The following ZFHX3 variants were observed in gnomAD, a reference collection of about 807,000 sequenced individuals.
The protein encoded by ZFHX3 is zinc finger homeobox protein 3.
Under a neutral mutation model 279.1 loss-of-function variants are expected in ZFHX3, and 42 were observed. The observed-to-expected ratio is 0.15, with a 90% CI of 0.12 to 0.19. ZFHX3 has a LOEUF of 0.19. Ranked by LOEUF, ZFHX3 falls within the 10% of genes least tolerant of loss-of-function variation. ZFHX3 has a pLI of 1.00. For missense variants in ZFHX3, 4,981 were observed against 4,754.0 expected (o/e 1.05, Z -1.40); for synonymous variants, 2,293 against 1,957.8 (o/e 1.17, Z -4.52).
At chr16:73,031,773 C>T (rs543011879) in intron 1 of ZFHX3, among the ~76,000 whole-genome samples, 6 of 152,228 alleles carry the variant, frequency 3.9e-5, no homozygotes, top group South Asian at 4.1e-4. Flanking sequence ...CAGGTCACCA[C>T]GGGCCCTCTG....
At chr16:73,865,687 A>G (rs577382353) in intron 1 of ZFHX3, among the ~76,000 whole-genome samples, 1 of 152,258 alleles carries the variant, frequency 6.6e-6, no homozygotes, top group South Asian at 2.1e-4. Context: ...CTGTTAAAAC[A>G]TGTTACTGCC....
intron 1 of ZFHX3, among the ~76,000 whole-genome samples, chr16:73,851,239 C>T (rs1961587143): frequency 6.6e-6 from 1 of 152,048 alleles, no homozygotes; most frequent in African/African-American, 2.4e-5. Flanking sequence ...CAGGGCCCAG[C>T]ACATAAGAGA....
intron 7 of ZFHX3, among the ~76,000 whole-genome samples, chr16:73,124,777 G>A (rs1013753556): frequency 1.6e-4 from 25 of 152,208 alleles, no homozygotes; most frequent in African/African-American, 6.0e-4. Context: ...AGCAAGGACA[G>A]GGCATGGTGA....
intron 1 of ZFHX3, among the ~76,000 whole-genome samples, chr16:73,765,237 GA>G (rs200124672): frequency 2.0e-5 from 3 of 151,252 alleles, no homozygotes; most frequent in Non-Finnish European, 4.4e-5. Context: ...CTAAGGGTTA[GA>G]AAAAAAAAGA....
intron 2 of ZFHX3, among the ~76,000 whole-genome samples, chr16:73,656,303 CAAGCATA>C (rs569200562): frequency 6.6e-4 from 100 of 152,328 alleles, no homozygotes; most frequent in Middle Eastern, 3.4e-3. Flanking sequence ...ATGAATCTTG[CAAGCATA>C]ATGTTGACCC....
At chr16:72,999,084 T>C (rs1220747039) in intron 1 of ZFHX3, among the ~76,000 whole-genome samples, 1 of 152,254 alleles carries the variant, frequency 6.6e-6, no homozygotes, top group Non-Finnish European at 1.5e-5. Context: ...ATTTCTGCCC[T>C]AGTCACATGT....
chr16:73,486,771 A>G (rs569818164), intron 2 of ZFHX3: 53 of 455,578 alleles, frequency 1.2e-4, no homozygotes, highest in African/African-American at 9.6e-4. Context: ...GTTTGCTTTT[A>G]TCTGCAAATG....
rs866462076 is a variant in ZFHX3, at chr16:73,140,374, A to G, written c.-1024+3378T>C. On this transcript the variant is annotated intron_variant, in intron 6 of 17. Transcript: ENST00000641206. ...GTTGGATTATAATCTGGCTGTGATC[A>G]AAGTGCTCATTAAGAGGAATATTTT... Among the ~76,000 whole-genome samples, 5 of 152,144 alleles carry G rather than the reference A, an allele frequency of 3.3e-5. 1 individual carries two copies. Among genetic ancestry groups the G allele is most frequent in the Non-Finnish European group, 7.4e-5 (5 of 68,024 alleles).
intron 5 of ZFHX3, among the ~76,000 whole-genome samples, chr16:73,256,166 A>G (rs977500400): frequency 3.9e-5 from 6 of 152,236 alleles, no homozygotes; most frequent in Non-Finnish European, 7.4e-5. Context: ...CTTCCAAAAC[A>G]ATTTTGCTGT....
intron 2 of ZFHX3, among the ~76,000 whole-genome samples, chr16:73,522,116 T>G (rs1256378175): frequency 6.6e-6 from 1 of 152,204 alleles, no homozygotes; most frequent in Admixed American, 6.5e-5. Flanking sequence ...CAATGAAGTT[T>G]GACATCACAG....
At chr16:73,413,233 C>T (rs969908572) in intron 3 of ZFHX3, among the ~76,000 whole-genome samples, 18 of 152,308 alleles carry the variant, frequency 1.2e-4, no homozygotes, top group South Asian at 6.2e-4. Flanking sequence ...CCATCAATGA[C>T]GTGGGATTCC....
chr16:73,612,108 G>A (rs1462685964), intron 2 of ZFHX3, among the ~76,000 whole-genome samples: 1 of 152,198 alleles, frequency 6.6e-6, no homozygotes, highest in African/African-American at 2.4e-5. Flanking sequence ...GAGCATGGTG[G>A]AGAGTTGTGG....
At chr16:73,842,660 G>A (rs1961341420) in intron 1 of ZFHX3, among the ~76,000 whole-genome samples, 1 of 152,102 alleles carries the variant, frequency 6.6e-6, no homozygotes, top group African/African-American at 2.4e-5. Flanking sequence ...ACTAGTAATA[G>A]TTTAAATTAA....
At chr16:73,586,225 T>C (rs118173534) in intron 2 of ZFHX3, among the ~76,000 whole-genome samples, 2,700 of 151,128 alleles carry the variant, frequency 0.018, 87 homozygotes, top group East Asian at 0.1. Context: ...CCCGTCTCTG[T>C]TAAAAATAAA....
At chr16:73,374,815 T>C (rs1255966499) in intron 3 of ZFHX3, among the ~76,000 whole-genome samples, 1 of 152,206 alleles carries the variant, frequency 6.6e-6, no homozygotes, top group Non-Finnish European at 1.5e-5. Context: ...TGCATTCTTA[T>C]GGTGGTGTTT....
intron 5 of ZFHX3, among the ~76,000 whole-genome samples, chr16:73,191,459 G>A (rs555959938): frequency 6.6e-6 from 1 of 151,998 alleles, no homozygotes. Context: ...GAGTCCCGGG[G>A]GTACAACAAC....
intron 3 of ZFHX3, among the ~76,000 whole-genome samples, chr16:73,412,980 G>A (rs1409701569): frequency 6.6e-6 from 1 of 152,176 alleles, no homozygotes; most frequent in East Asian, 1.9e-4. Context: ...ATAGCTAAGG[G>A]CCCACCGTGT....
intron 1 of ZFHX3, among the ~76,000 whole-genome samples, chr16:73,011,434 A>G (rs1412522542): frequency 6.6e-6 from 1 of 151,962 alleles, no homozygotes; most frequent in East Asian, 1.9e-4. Context: ...ACCCAGCAAC[A>G]CTGCATATAT....
chr16:73,156,231 CAAAAAAA>C (rs60993308), intron 5 of ZFHX3, among the ~76,000 whole-genome samples: 3 of 88,522 alleles, frequency 3.4e-5, no homozygotes, highest in Middle Eastern at 5.9e-3. Flanking sequence ...GACTCCCTCT[CAAAAAAA>C]AAAAAAAAAA....
Sources: gnomAD v4.1 joint callset for allele counts (sites outside exome capture counted in the v4.1 genomes callset) on GRCh38, gnomAD v4.1.1 for gene constraint, MANE v1.5 for transcripts, NCBI Gene and HGNC (gene_info 2026-07-23, HGNC 2026-07-21) for gene names.